Variants in FMNL3 observed in about 807,000 individuals in gnomAD.
FMNL3 encodes the protein formin like 3.
FMNL3 carries 57 observed loss-of-function variants against 119.6 expected under a neutral mutation model. The observed-to-expected ratio is 0.48, with a 90% CI of 0.39 to 0.59. FMNL3 has a LOEUF of 0.59. FMNL3 is among the 20% of genes least tolerant of loss of function. The probability of loss-of-function intolerance (pLI) is 0.00; values close to 1 mark genes in which losing one functional copy is unlikely to be tolerated. For missense variants in FMNL3, 1,053 were observed against 1,323.5 expected, an observed-to-expected ratio of 0.80 and a Z score of 3.17; for synonymous variants, 491 against 507.3, an observed-to-expected ratio of 0.97 and a Z score of 0.43.
chr12:49,701,853 G>A (rs113605702), intron 1 of FMNL3, among the ~76,000 whole-genome samples: 17,112 of 152,108 alleles, frequency 0.11, 1,109 homozygotes, highest in African/African-American at 0.18. Flanking sequence ...AACCCAGGAG[G>A]CAGAGGTTGC....
At chr12:49,671,119 T>G (rs1944034305) in intron 1 of FMNL3, among the ~76,000 whole-genome samples, 1 of 152,208 alleles carries the variant, frequency 6.6e-6, no homozygotes, top group Admixed American at 6.5e-5. Context: ...TATGCCAACT[T>G]CCTCCCTCAG....
chr12:49,675,993 G>C (rs191758870), intron 1 of FMNL3, among the ~76,000 whole-genome samples: 243 of 152,212 alleles, frequency 1.6e-3, no homozygotes, highest in African/African-American at 5.6e-3. Context: ...GCTTGTGATT[G>C]ATGTTTCCCC....
In FMNL3 at chr12:49,644,154, C is replaced by T. The variant is rs776128769; in HGVS notation, c.*1661G>A. On this transcript the variant is annotated 3_prime_UTR_variant, in exon 26 of 26. Transcript: ENST00000335154. ...GAGTGAGGGTGAGCTGGAGAGGCGG[C>T]GGCGGACACTCCTACAGCAGCTGGA... The T allele has an allele frequency of 1.3e-4, 212 of 1,613,964 alleles. No individual in the cohort carries two copies. The highest frequency in any genetic ancestry group is 1.7e-4 in the Non-Finnish European group (202 of 1,180,036).
At position 49,672,822 on chromosome 12, in the gene FMNL3, T is replaced by G. The variant is rs759661423; in HGVS notation, c.127-4268A>C. ...CTTGCCCCTACTCTGACAGTCTTCTTGAGCCAGGCCTGGGGAAAACCCAAA... is the reference window on the plus strand; with the variant it reads ...CTTGCCCCTACTCTGACAGTCTTCTGGAGCCAGGCCTGGGGAAAACCCAAA... On this transcript the variant is annotated intron_variant, in intron 1 of 25. Coordinates refer to ENST00000335154, the MANE Select transcript of FMNL3 (RefSeq NM_175736.5). Among the ~76,000 whole-genome samples, 3 of 152,200 alleles carry G rather than the reference T, an allele frequency of 2.0e-5. No individual in the cohort carries two copies. The East Asian group carries it at 5.8e-4, about 29-fold the overall frequency.
intron 4 of FMNL3, among the ~76,000 whole-genome samples, chr12:49,664,286 T>G (rs2138838661): frequency 6.6e-6 from 1 of 152,250 alleles, no homozygotes; most frequent in African/African-American, 2.4e-5. Context: ...GTGCCTGTGC[T>G]CCCAGCTACT....
intron 1 of FMNL3, among the ~76,000 whole-genome samples, chr12:49,675,769 C>T (rs1315395385): frequency 6.6e-6 from 1 of 152,184 alleles, no homozygotes; most frequent in African/African-American, 2.4e-5. Context: ...CATGTTTCTC[C>T]TTGGTTCAGA....
At chr12:49,663,463 C>G (rs1051281085) in intron 4 of FMNL3, among the ~76,000 whole-genome samples, 1 of 152,218 alleles carries the variant, frequency 6.6e-6, no homozygotes, top group African/African-American at 2.4e-5. Flanking sequence ...CCACCTTGCC[C>G]TGGGTTCCTG....
At chr12:49,699,227 C>G (rs1944836936) in intron 1 of FMNL3, among the ~76,000 whole-genome samples, 1 of 152,198 alleles carries the variant, frequency 6.6e-6, no homozygotes, top group Non-Finnish European at 1.5e-5. Context: ...ACACTGCTGT[C>G]CCATGGGCTT....
At position 49,644,467 on chromosome 12, in the gene FMNL3, T is replaced by A. The variant is rs1162924289; in HGVS notation, c.*1348A>T. 21 of 451,850 alleles carry A rather than the reference T, an allele frequency of 4.6e-5. No homozygotes were observed. Among genetic ancestry groups the A allele is most frequent in the Non-Finnish European group, 4.1e-6 (1 of 242,026 alleles). The allele number at this position is 451,850 out of a possible 1,614,324, so 28.0% of individuals were successfully genotyped here. On this transcript the variant is annotated 3_prime_UTR_variant, in exon 26 of 26. Transcript: ENST00000335154. ...TGGGTGATGCCAGTAGATAAAAGTG[T>A]GAGAGAAGGGGTCTCCAGGGAAGAG... is the stretch of plus-strand genomic sequence containing the variant.
In FMNL3 at chr12:49,637,936, G is replaced by A. The variant is rs1565840552; in HGVS notation, c.*7879C>T. ...AGAAGCATTACAGCTTGGTTCAGCAGATATCTACTGTGATCCTTTACTGCA... is the reference window on the plus strand; with the variant it reads ...AGAAGCATTACAGCTTGGTTCAGCAAATATCTACTGTGATCCTTTACTGCA... On this transcript the variant is annotated 3_prime_UTR_variant, in exon 26 of 26. Transcript: ENST00000335154. The A allele has an allele frequency of 7.4e-6, 6 of 812,074 alleles. No homozygotes were observed. Among genetic ancestry groups the A allele is most frequent in the Non-Finnish European group, 1.2e-5 (6 of 490,008 alleles). The allele number at this position is 812,074 out of a possible 1,614,324, so 50.3% of individuals were successfully genotyped here. A position where few individuals can be genotyped will look rare whatever the true frequency, so the allele number is the denominator to read the frequency against.
rs1942823454 is a variant in FMNL3 at position 49,642,602 on chromosome 12, A to T, written c.*3213T>A. 1.2e-6 allele frequency: 2 copies of T among 1,614,130 alleles called. No homozygotes were observed. The highest frequency in any genetic ancestry group is 4.5e-5 in the East Asian group (2 of 44,884). On this transcript the variant is annotated 3_prime_UTR_variant, in exon 26 of 26. Transcript: ENST00000335154. The surrounding 1 kb of genome is among the most constrained non-coding windows in gnomAD (Gnocchi z 5.8). ...AAGGTCCGTGAGCGTTTTGTGTGTG[A>T]CTCAGCCTTTGAGCAGATCACCCTG...
At chr12:49,679,475 C>A (rs1944278804) in intron 1 of FMNL3, among the ~76,000 whole-genome samples, 1 of 151,772 alleles carries the variant, frequency 6.6e-6, no homozygotes, top group Admixed American at 6.6e-5. Context: ...CCCTAACCTC[C>A]CATTAGCACT....
At chr12:49,653,411 C>T (rs1029259963) in intron 12 of FMNL3, 84 bp from the exon 13 acceptor site, 26 of 1,394,764 alleles carry the variant, frequency 1.9e-5, no homozygotes, top group African/African-American at 1.1e-4. Context: ...AGACCTGAGT[C>T]GGACCCCTCA....
chr12:49,701,992 CA>C (rs1157522339), intron 1 of FMNL3, among the ~76,000 whole-genome samples: 1 of 151,958 alleles, frequency 6.6e-6, no homozygotes, highest in Non-Finnish European at 1.5e-5. Flanking sequence ...AAAAAACAAA[CA>C]AAAAAACTGG....
At chr12:49,687,283 AAGGTTTCACC>A (rs1214086492) in intron 1 of FMNL3, among the ~76,000 whole-genome samples, 10 of 138,366 alleles carry the variant, frequency 7.2e-5, no homozygotes, top group African/African-American at 2.0e-4. Context: ...TAGTAGAGAC[AAGGTTTCACC>A]ATGTTGGCCA....
At chr12:49,686,513 G>A (rs1333735868) in intron 1 of FMNL3, among the ~76,000 whole-genome samples, 1 of 149,212 alleles carries the variant, frequency 6.7e-6, no homozygotes, top group African/African-American at 2.5e-5. Context: ...GGGAGGCGGA[G>A]CTTGCAGTGA....
In FMNL3 at chr12:49,668,506, C is replaced by T. The variant is rs762480920; in HGVS notation, c.175G>A (p.Asp59Asn). 1.3e-5 allele frequency: 21 copies of T among 1,614,008 alleles called. No homozygotes were observed. The South Asian group carries it at 2.3e-4, about 18-fold the overall frequency. Residue 59 changes from aspartate (D) to asparagine (N), a missense_variant, in exon 2 of 26, where the codon GAC becomes AAC. Coordinates refer to ENST00000335154, the MANE Select transcript of FMNL3 (RefSeq NM_175736.5). Reference protein sequence around the residue: ...PDKARLLRQYDNEKKWDLICD... With the variant: ...PDKARLLRQYNNEKKWDLICD... The stretch of plus-strand genomic sequence containing the variant: ...ATCAGATCCCATTTCTTCTCATTGT[C>T]ATACTGCCGCAGGAGCCGGGCCTTG...
intron 10 of FMNL3, among the ~76,000 whole-genome samples, chr12:49,654,576 G>A (rs766401154): frequency 2.0e-5 from 3 of 152,036 alleles, no homozygotes; most frequent in Admixed American, 6.6e-5. Flanking sequence ...GGTATTCCTC[G>A]AGACAACCTT....
At position 49,643,076 on chromosome 12, in the gene FMNL3, CTT is replaced by C; in HGVS notation, c.*2737_*2738del. The C allele has an allele frequency of 6.3e-7, 1 of 1,593,002 alleles. No individual in the cohort carries two copies. The highest frequency in any genetic ancestry group is 1.1e-5 in the South Asian group (1 of 90,226). Reference sequence around the variant, plus strand: ...CTGGGTTGTTTTGGGGAAATAAACACTTTGTTTTCCCCTTACAATATCTCCCT... The same window carrying C: ...CTGGGTTGTTTTGGGGAAATAAACACTGTTTTCCCCTTACAATATCTCCCT... On this transcript the variant is annotated 3_prime_UTR_variant, in exon 26 of 26. Coordinates refer to ENST00000335154, the MANE Select transcript of FMNL3 (RefSeq NM_175736.5).
Sources: gnomAD v4.1 joint callset for allele counts (sites outside exome capture counted in the v4.1 genomes callset) on GRCh38, gnomAD v4.1.1 for gene constraint, Gnocchi (gnomAD v3.1) non-coding constraint, MANE v1.5 for transcripts, NCBI Gene and HGNC (gene_info 2026-07-23, HGNC 2026-07-21) for gene names.